The following SND1 variants were observed in gnomAD, a reference collection of about 807,000 sequenced individuals.
SND1 encodes the protein staphylococcal nuclease domain-containing protein 1.
SND1 carries 38 observed loss-of-function variants against 121.7 expected under a neutral mutation model. The observed-to-expected ratio is 0.31, with a 90% CI of 0.24 to 0.41. The LOEUF (loss-of-function observed/expected upper bound fraction) is 0.41. Ranked by LOEUF, SND1 falls within the 10% of genes least tolerant of loss-of-function variation. The pLI is 1.00. For synonymous variants in SND1, 401 were observed against 447.4 expected (o/e 0.90, Z 1.31); for missense variants, 868 against 1,184.6 (o/e 0.73, Z 3.92).
chr7:127,938,416 G>A (rs139787230), intron 15 of SND1, among the ~76,000 whole-genome samples: 1 of 152,182 alleles, frequency 6.6e-6, no homozygotes, highest in Non-Finnish European at 1.5e-5. Flanking sequence ...TACAAATAAT[G>A]TAAACAAGGA....
At position 127,972,811 on chromosome 7, in the gene SND1, C is replaced by T. The variant is rs2537820; in HGVS notation, c.1670-18136C>T. On this transcript the variant is annotated intron_variant, in intron 15 of 23. Coordinates refer to ENST00000354725, the MANE Select transcript of SND1 (RefSeq NM_014390.4). ...GCCAAGCTGGTCTCGAACTCTTGAC[C>T]TCAAGAGATCCACCTGTCTTGGCCT... Among the ~76,000 whole-genome samples, 825 of 151,996 alleles carry T rather than the reference C, an allele frequency of 5.4e-3. 3 individuals are homozygous for T. Among genetic ancestry groups the T allele is most frequent in the Non-Finnish European group, 9.4e-3 (641 of 67,968 alleles).
chr7:127,835,408 A>G (rs1367084765), intron 11 of SND1, among the ~76,000 whole-genome samples: 1 of 152,180 alleles, frequency 6.6e-6, no homozygotes, highest in Non-Finnish European at 1.5e-5. Context: ...AATTTTGGCC[A>G]TAGATGACTG....
chr7:127,821,064 T>C (rs906589731), intron 11 of SND1, among the ~76,000 whole-genome samples: 1 of 152,228 alleles, frequency 6.6e-6, no homozygotes, highest in Non-Finnish European at 1.5e-5. Flanking sequence ...ACACTCAGAA[T>C]GTTCTCAGCG....
At chr7:127,834,520 A>G (rs1258937889) in intron 11 of SND1, among the ~76,000 whole-genome samples, 1 of 152,100 alleles carries the variant, frequency 6.6e-6, no homozygotes, top group African/African-American at 2.4e-5. Flanking sequence ...GGTGTCTGTG[A>G]CTTTAGTTGT....
Position 128,087,129 on chromosome 7 carries a change from C to G in SND1, c.2418+78C>G, listed in dbSNP as rs571509375. The G allele has an allele frequency of 3.5e-5, 38 of 1,080,078 alleles. No homozygotes were observed. The South Asian group carries it at 5.1e-4, about 14-fold the overall frequency. The allele number at this position is 1,080,078 out of a possible 1,614,324, so 66.9% of individuals were successfully genotyped here. On this transcript the variant is annotated intron_variant, in intron 21 of 23. Transcript: ENST00000354725. Reference sequence around the variant, plus strand: ...CGCTGCAGCAGCCCTCATGGGCTGACAGGAGAAGATGGAAACTATGATGGT... The same window carrying G: ...CGCTGCAGCAGCCCTCATGGGCTGAGAGGAGAAGATGGAAACTATGATGGT...
intron 10 of SND1, among the ~76,000 whole-genome samples, chr7:127,806,132 A>G (rs1443168144): frequency 6.6e-6 from 1 of 152,236 alleles, no homozygotes; most frequent in African/African-American, 2.4e-5. Context: ...GGAGGGAAAC[A>G]TTAAAGTGAA....
At chr7:127,668,302 C>T (rs958730293) in intron 1 of SND1, among the ~76,000 whole-genome samples, 1 of 152,192 alleles carries the variant, frequency 6.6e-6, no homozygotes, top group Non-Finnish European at 1.5e-5. Context: ...TGTTCTCCAG[C>T]AAATTCTGCT....
At chr7:127,947,840 C>G (rs1389637188) in intron 15 of SND1, among the ~76,000 whole-genome samples, 1 of 152,158 alleles carries the variant, frequency 6.6e-6, no homozygotes, top group Non-Finnish European at 1.5e-5. Context: ...TCTGTTTTCC[C>G]ACCCATCAGT....
chr7:127,933,407 A>C (rs942183669), intron 15 of SND1, among the ~76,000 whole-genome samples: 5 of 152,226 alleles, frequency 3.3e-5, no homozygotes, highest in African/African-American at 1.2e-4. Flanking sequence ...CTCCTGCCAT[A>C]GTGTGTGCTG....
intron 10 of SND1, among the ~76,000 whole-genome samples, chr7:127,743,354 AT>A (rs1333170480): frequency 6.6e-6 from 1 of 152,178 alleles, no homozygotes; most frequent in Non-Finnish European, 1.5e-5. Context: ...TTACCTAGAC[AT>A]TTTGTGAAGG....
intron 15 of SND1, among the ~76,000 whole-genome samples, chr7:127,930,043 C>G (rs577067259): frequency 1.8e-4 from 27 of 152,332 alleles, no homozygotes; most frequent in Middle Eastern, 6.8e-3. Flanking sequence ...TTCTTTGCTG[C>G]TGGCAAATAA....
chr7:127,874,748 C>T (rs1799660069), intron 12 of SND1, among the ~76,000 whole-genome samples: 1 of 152,066 alleles, frequency 6.6e-6, no homozygotes, highest in Non-Finnish European at 1.5e-5. Flanking sequence ...TCCCATACCC[C>T]TCAAAAAAAT....
chr7:127,920,438 C>G (rs1394996256), intron 14 of SND1, among the ~76,000 whole-genome samples: 1 of 152,104 alleles, frequency 6.6e-6, no homozygotes, highest in African/African-American at 2.4e-5. Context: ...GGAGGAAGCT[C>G]TCTAACTGGA....
chr7:127,734,621 C>T (rs552602930), intron 10 of SND1, among the ~76,000 whole-genome samples: 28 of 152,238 alleles, frequency 1.8e-4, no homozygotes, highest in Admixed American at 1.3e-3. Flanking sequence ...AGCTTGATGG[C>T]GGTTCAGGAT....
chr7:127,652,555 C>T (rs1795140965), intron 1 of SND1, 104 bp downstream of exon 1: 1 of 922,806 alleles, frequency 1.1e-6, no homozygotes, highest in African/African-American at 1.7e-5. Flanking sequence ...GATCCCCTTT[C>T]CTCTGCCCCC....
intron 4 of SND1, among the ~76,000 whole-genome samples, chr7:127,700,210 C>T (rs1796077480): frequency 6.6e-6 from 1 of 152,174 alleles, no homozygotes; most frequent in South Asian, 2.1e-4. Context: ...AGTCCTTTTT[C>T]CTCCAAAATT....
At chr7:127,967,012 C>T (rs1333371454) in intron 15 of SND1, among the ~76,000 whole-genome samples, 1 of 152,174 alleles carries the variant, frequency 6.6e-6, no homozygotes, top group Non-Finnish European at 1.5e-5. Flanking sequence ...TTGTGGAGGA[C>T]TTCCCATGAA....
chr7:128,004,828 C>A (rs928752295), intron 16 of SND1, among the ~76,000 whole-genome samples: 3 of 152,188 alleles, frequency 2.0e-5, no homozygotes, highest in African/African-American at 7.2e-5. Context: ...GGTCAGTATC[C>A]GTTTCACCCT....
chr7:127,740,020 A>G (rs922086506), intron 10 of SND1, among the ~76,000 whole-genome samples: 1 of 152,180 alleles, frequency 6.6e-6, no homozygotes, highest in Non-Finnish European at 1.5e-5. Context: ...TGCCAGCATA[A>G]ACAGTTGCAC....
Sources: gnomAD v4.1 joint callset for allele counts (sites outside exome capture counted in the v4.1 genomes callset) on GRCh38, gnomAD v4.1.1 for gene constraint, MANE v1.5 for transcripts, NCBI Gene and HGNC (gene_info 2026-07-23, HGNC 2026-07-21) for gene names.